PDSS2: variants seen among roughly 807,000 people sequenced by gnomAD.
PDSS2 encodes all trans-polyprenyl-diphosphate synthase PDSS2.
In PDSS2, 31 loss-of-function variants were observed where a neutral mutation model predicts 44.5. That is an observed-to-expected ratio of 0.70 (90% CI 0.52 to 0.94). The LOEUF is 0.94. PDSS2 is among the 40% of genes least tolerant of loss of function. PDSS2 has a pLI of 0.00. For missense variants in PDSS2, 452 were observed against 482.2 expected (o/e 0.94, Z 0.59); for synonymous variants, 157 against 180.3 (o/e 0.87, Z 1.03).
At chr6:107,285,840 A>C (rs960391983) in intron 2 of PDSS2, among the ~76,000 whole-genome samples, 2 of 152,136 alleles carry the variant, frequency 1.3e-5, no homozygotes, top group African/African-American at 4.8e-5. Flanking sequence ...GAAGCTACAA[A>C]GAAAACAAAG....
chr6:107,344,239 T>C (rs1562476292), intron 1 of PDSS2, among the ~76,000 whole-genome samples: 3 of 152,080 alleles, frequency 2.0e-5, no homozygotes. Flanking sequence ...TATTACTCAG[T>C]TATAAAAGAA....
Position 107,403,377 on chromosome 6 carries a change from T to C in PDSS2, c.296+55613A>G, listed in dbSNP as rs1238255745. On this transcript the variant is annotated intron_variant, in intron 1 of 7. Coordinates refer to ENST00000369037, the MANE Select transcript of PDSS2 (RefSeq NM_020381.4). ...ACAGCCTCCCTCCCAGCTGCTTTCATGGCTGGCGCTGAGTGTCTGCAGCTT... is the reference window on the plus strand; with the variant it reads ...ACAGCCTCCCTCCCAGCTGCTTTCACGGCTGGCGCTGAGTGTCTGCAGCTT... Among the ~76,000 whole-genome samples the C allele has an allele frequency of 2.6e-5, 4 of 152,326 alleles. No individual in the cohort carries two copies. In the East Asian group the frequency reaches 7.7e-4, roughly 29 times the overall value.
intron 1 of PDSS2, among the ~76,000 whole-genome samples, chr6:107,375,700 AC>A (rs1247337536): frequency 6.6e-6 from 1 of 152,194 alleles, no homozygotes; most frequent in African/African-American, 2.4e-5. Context: ...GACAATGACA[AC>A]CCTGAGACTA....
At chr6:107,257,550 T>C (rs1185014642) in intron 3 of PDSS2, among the ~76,000 whole-genome samples, 1 of 151,880 alleles carries the variant, frequency 6.6e-6, no homozygotes, top group Non-Finnish European at 1.5e-5. Flanking sequence ...AAAATAATAA[T>C]ACAAATAAAT....
In PDSS2 at chr6:107,166,735, C is replaced by A. The variant is rs539165068; in HGVS notation, c.1042-11958G>T. Among the ~76,000 whole-genome samples the A allele has an allele frequency of 1.4e-4, 22 of 152,242 alleles. 1 individual carries two copies. The highest frequency in any genetic ancestry group is 5.2e-4 in the Admixed American group (8 of 15,278). On this transcript the variant is annotated intron_variant, in intron 7 of 7. Transcript: ENST00000369037. ...CCTTTTCTGCATCTATTGAGATAAT[C>A]ATGTGGTTTTTGTCTTTGGTTCTGT...
chr6:107,330,740 A>G (rs1310538786), intron 2 of PDSS2, among the ~76,000 whole-genome samples: 1 of 152,204 alleles, frequency 6.6e-6, no homozygotes, highest in East Asian at 1.9e-4. Flanking sequence ...CTGGCTTTGC[A>G]ACCAATTTTT....
At chr6:107,231,032 G>A (rs1333390293) in intron 4 of PDSS2, among the ~76,000 whole-genome samples, 1 of 151,974 alleles carries the variant, frequency 6.6e-6, no homozygotes, top group African/African-American at 2.4e-5. Context: ...AAGATGGTAA[G>A]ACCCCATCTC....
At chr6:107,256,412 T>G (rs1775023949) in intron 3 of PDSS2, among the ~76,000 whole-genome samples, 1 of 152,160 alleles carries the variant, frequency 6.6e-6, no homozygotes, top group Non-Finnish European at 1.5e-5. Flanking sequence ...CAAATTCCAG[T>G]GCTGCCATGT....
chr6:107,286,136 T>A (rs12197026), intron 2 of PDSS2, among the ~76,000 whole-genome samples: 282 of 128,520 alleles, frequency 2.2e-3, no homozygotes, highest in Middle Eastern at 8.5e-3. Flanking sequence ...CGTCGCAAAA[T>A]AAAAAAAAAA....
chr6:107,332,668 A>T (rs1300914776), intron 2 of PDSS2, among the ~76,000 whole-genome samples: 2 of 152,168 alleles, frequency 1.3e-5, no homozygotes, highest in East Asian at 3.8e-4. Flanking sequence ...CTACAGTTAG[A>T]GCTTCAACTC....
chr6:107,295,037 T>A (rs971072350), intron 2 of PDSS2, among the ~76,000 whole-genome samples: 3 of 152,168 alleles, frequency 2.0e-5, no homozygotes, highest in African/African-American at 7.2e-5. Flanking sequence ...GTTCAAGCGA[T>A]TCTCCTGCCC....
At chr6:107,273,557 G>C (rs1775674703) in intron 3 of PDSS2, among the ~76,000 whole-genome samples, 1 of 152,052 alleles carries the variant, frequency 6.6e-6, no homozygotes, top group African/African-American at 2.4e-5. Flanking sequence ...ACCATGGGAA[G>C]ATGCTCGCAT....
chr6:107,308,881 G>A (rs1182996563), intron 2 of PDSS2, among the ~76,000 whole-genome samples: 2 of 152,208 alleles, frequency 1.3e-5, no homozygotes, highest in Non-Finnish European at 2.9e-5. Flanking sequence ...AATGGCTGCA[G>A]CCAGCTGACT....
At chr6:107,269,302 G>A (rs117224525) in intron 3 of PDSS2, among the ~76,000 whole-genome samples, 1 of 150,744 alleles carries the variant, frequency 6.6e-6, no homozygotes, top group East Asian at 2.0e-4. Context: ...AATTTAGATG[G>A]TGCAAAATCT....
intron 7 of PDSS2, among the ~76,000 whole-genome samples, chr6:107,176,413 A>AACAC (rs1276770931): frequency 1.0e-5 from 1 of 96,090 alleles, no homozygotes; most frequent in Admixed American, 1.2e-4. Context: ...ATTCCCCCTT[A>AACAC]ACACACACAC....
At chr6:107,445,694 C>A (rs34549506) in intron 1 of PDSS2, among the ~76,000 whole-genome samples, 2 of 152,112 alleles carry the variant, frequency 1.3e-5, no homozygotes, top group Non-Finnish European at 2.9e-5. Flanking sequence ...TTATTCTCTG[C>A]TTGAGAACTG....
rs1562557126 is a variant in PDSS2, at chr6:107,459,350, G to A, written c.-65C>T. 4.4e-6 allele frequency: 6 copies of A among 1,356,426 alleles called. No homozygotes were observed. Among genetic ancestry groups the A allele is most frequent in the Middle Eastern group, 2.2e-4 (1 of 4,486 alleles). The allele number at this position is 1,356,426 out of a possible 1,614,324, so 84.0% of individuals were successfully genotyped here. A position where few individuals can be genotyped will look rare whatever the true frequency, so the allele number is the denominator to read the frequency against. On this transcript the variant is annotated 5_prime_UTR_variant, in exon 1 of 8. Transcript: ENST00000369037. This position sits in a 1 kb window ranked among gnomAD's most constrained non-coding sequence, Gnocchi z 4.3. ...GAAGTGCCGCGGGAAACAAACCAGG[G>A]GCAGAGGAGGAACTTACAGTAACTA...
At chr6:107,381,062 C>T (rs1010610535) in intron 1 of PDSS2, among the ~76,000 whole-genome samples, 2 of 152,138 alleles carry the variant, frequency 1.3e-5, no homozygotes, top group Non-Finnish European at 2.9e-5. Flanking sequence ...TATCAGTCTA[C>T]CCTATCTACT....
intron 6 of PDSS2, among the ~76,000 whole-genome samples, chr6:107,197,615 C>T (rs1772613646): frequency 1.3e-5 from 2 of 151,998 alleles, no homozygotes; most frequent in South Asian, 4.1e-4. Context: ...TAGAAGTGTC[C>T]TGTGTTGACT....
Sources: allele counts gnomAD v4.1 joint callset (sites outside exome capture counted in the v4.1 genomes callset), GRCh38; gene constraint gnomAD v4.1.1; non-coding constraint Gnocchi (gnomAD v3.1); transcripts MANE v1.5; gene names NCBI Gene and HGNC (gene_info 2026-07-23, HGNC 2026-07-21).